The following TXN variants were observed in gnomAD, a reference collection of about 807,000 sequenced individuals.
TXN encodes the protein thioredoxin.
TXN carries 10 observed loss-of-function variants against 16.5 expected under a neutral mutation model. That is an observed-to-expected ratio of 0.61 (90% CI 0.37 to 1.03). TXN has a LOEUF of 1.03. TXN is among the 50% of genes least tolerant of loss of function. TXN has a pLI of 0.01. For synonymous variants in TXN, 35 were observed against 39.4 expected (o/e 0.89, Z 0.42); for missense variants, 71 against 122.5 (o/e 0.58, Z 1.98).
At chr9:110,252,807 G>A (rs2118579679) in intron 1 of TXN, among the ~76,000 whole-genome samples, 1 of 152,152 alleles carries the variant, frequency 6.6e-6, no homozygotes, top group South Asian at 2.1e-4. Flanking sequence ...ACCAGTCCCA[G>A]CTAATTTTTG....
intron 3 of TXN, among the ~76,000 whole-genome samples, chr9:110,248,828 A>G (rs1308175262): frequency 2.0e-5 from 3 of 152,138 alleles, no homozygotes; most frequent in African/African-American, 7.2e-5. Flanking sequence ...ATTGCTTTCA[A>G]ATAAAAATCA....
chr9:110,252,223 C>CAAAA (rs377246017), intron 1 of TXN, among the ~76,000 whole-genome samples: 3 of 58,374 alleles, frequency 5.1e-5, no homozygotes, highest in African/African-American at 9.2e-5. Flanking sequence ...GACTCTGTCG[C>CAAAA]AAAAAAAAAA....
At chr9:110,255,923 G>A (rs1837803504) in intron 1 of TXN, among the ~76,000 whole-genome samples, 2 of 152,202 alleles carry the variant, frequency 1.3e-5, no homozygotes, top group South Asian at 2.1e-4. Context: ...ACCGACCCGT[G>A]CCTTCTGCAA....
chr9:110,244,237 A>C lies in TXN; in HGVS notation c.256-18T>G. 6.5e-7 allele frequency: 1 copy of C among 1,537,272 alleles called. No individual in the cohort carries two copies. Among genetic ancestry groups the C allele is most frequent in the African/African-American group, 1.4e-5 (1 of 72,416 alleles). On this transcript the variant is annotated intron_variant, in intron 4 of 4. Coordinates refer to ENST00000374517, the MANE Select transcript of TXN (RefSeq NM_003329.4). ...TCACCCACCTGTTAAGAGAATATTG[A>C]ATTGACATTAGACGTAGCACTGTAG... is the stretch of plus-strand genomic sequence containing the variant.
At position 110,251,326 on chromosome 9, in the gene TXN, C is replaced by A. The variant is rs997392; in HGVS notation, c.129+32G>T. On this transcript the variant is annotated intron_variant, in intron 2 of 4. Transcript: ENST00000374517. ...GACCACCAACTCAAAAAACACAAAT[C>A]TCTTACAAAGCAGACATTGTTTAAT... is the stretch of plus-strand genomic sequence containing the variant. The A allele has an allele frequency of 2.6e-6, 4 of 1,513,702 alleles. No homozygotes were observed. In the East Asian group the frequency reaches 9.0e-5, roughly 34 times the overall value. The allele number at this position is 1,513,702 out of a possible 1,614,324, so 93.8% of individuals were successfully genotyped here.
Position 110,256,280 on chromosome 9 carries a change from T to A in TXN, c.24+132A>T. 1 of 1,031,060 alleles carries A rather than the reference T, an allele frequency of 9.7e-7. No individual in the cohort carries two copies. The highest frequency in any genetic ancestry group is 1.4e-6 in the Non-Finnish European group (1 of 695,106). 63.9% of individuals were successfully genotyped at this position (1,031,060 alleles called of 1,614,324 possible). A position where few individuals can be genotyped will look rare whatever the true frequency, so the allele number is the denominator to read the frequency against. ...GTCCCAGGCCGAGACGCCGCGTCCC[T>A]TTCCCCTGGCGATGCGGAGGGGCGG... is the stretch of plus-strand genomic sequence containing the variant. On this transcript the variant is annotated intron_variant, in intron 1 of 4. Transcript: ENST00000374517. The surrounding 1 kb of genome is among the most constrained non-coding windows in gnomAD (Gnocchi z 4.2).
Position 110,250,891 on chromosome 9 carries a change from A to T in TXN, c.130-12T>A, listed in dbSNP as rs753651052. ...TTTTCAGAGAGGGACTGGAAAATTT[A>T]AAATGAAAAATCCAAAAAGATTTAG... On this transcript the variant is annotated splice_polypyrimidine_tract_variant and intron_variant, in intron 2 of 4. Transcript: ENST00000374517. 8 of 1,603,468 alleles carry T rather than the reference A, an allele frequency of 5.0e-6. No homozygotes were observed. The highest frequency in any genetic ancestry group is 6.0e-6 in the Non-Finnish European group (7 of 1,174,580).
chr9:110,244,773 C>T lies in TXN; in HGVS notation c.255+5G>A, dbSNP rs375257255. 3.3e-5 allele frequency: 53 copies of T among 1,611,068 alleles called. No homozygotes were observed. Among genetic ancestry groups the T allele is most frequent in the African/African-American group, 1.7e-4 (13 of 74,948 alleles). Reference sequence around the variant, plus strand: ...GTTAGAGTTTTAAAGGTCAGATGTACGTACCTTTTGTCCCTTCTTAAAAAA... The same window carrying T: ...GTTAGAGTTTTAAAGGTCAGATGTATGTACCTTTTGTCCCTTCTTAAAAAA... On this transcript the variant is annotated splice_donor_5th_base_variant and intron_variant, in intron 4 of 4. Coordinates refer to ENST00000374517, the MANE Select transcript of TXN (RefSeq NM_003329.4).
In TXN at chr9:110,256,477, G is replaced by C. The variant is rs1321422347; in HGVS notation, c.-42C>G. ...TGACGAGCGGCTGTAAGGACCGATGGAAATGGATCCAAAGCACCAAACAGA... is the reference window on the plus strand; with the variant it reads ...TGACGAGCGGCTGTAAGGACCGATGCAAATGGATCCAAAGCACCAAACAGA... On this transcript the variant is annotated 5_prime_UTR_variant, in exon 1 of 5. Transcript: ENST00000374517. The surrounding 1 kb of genome is among the most constrained non-coding windows in gnomAD (Gnocchi z 4.2). 6.3e-7 allele frequency: 1 copy of C among 1,593,194 alleles called. No individual in the cohort carries two copies. The highest frequency in any genetic ancestry group is 8.6e-7 in the Non-Finnish European group (1 of 1,168,992).
rs199937630 is a variant in TXN at position 110,252,245 on chromosome 9, A to AAAAAAAAAAAAAG, written c.25-784_25-783insCTTTTTTTTTTTT. On this transcript the variant is annotated intron_variant, in intron 1 of 4. Transcript: ENST00000374517. ...TCGCAAAAAAAAAAAAAAAAAAAAA[A>AAAAAAAAAAAAAG]GCTATGACTTTTGATTAAACTCATT... Among the ~76,000 whole-genome samples, 394 of 136,118 alleles carry AAAAAAAAAAAAAG rather than the reference A, an allele frequency of 2.9e-3. 1 individual carries two copies. The highest frequency in any genetic ancestry group is 4.8e-3 in the East Asian group (20 of 4,128). The allele number at this position is 136,118 out of a possible 152,430, so 89.3% of individuals were successfully genotyped here. A position where few individuals can be genotyped will look rare whatever the true frequency, so the allele number is the denominator to read the frequency against.
At chr9:110,253,216 A>T (rs1034233219) in intron 1 of TXN, among the ~76,000 whole-genome samples, 1 of 152,128 alleles carries the variant, frequency 6.6e-6, no homozygotes, top group African/African-American at 2.4e-5. Context: ...ACTTCTCTAG[A>T]TTTCTAATTT....
rs547387406 is a variant in TXN, at chr9:110,251,398, G to A, written c.89C>T (p.Thr30Met). The A allele has an allele frequency of 6.9e-5, 111 of 1,611,912 alleles. No individual in the cohort carries two copies. The South Asian group carries it at 1.1e-3, about 15-fold the overall frequency. The stretch of plus-strand genomic sequence containing the variant: ...GATCATTTTGCAAGGCCCACACCAC[G>A]TGGCTGAGAAGTCAACTACTACAAG... ...DKLVVVDFSA[T>M]WCGPCKMIKP... Residue 30 changes from threonine to methionine, a missense_variant, in exon 2 of 5, where the codon ACG becomes ATG. Coordinates refer to ENST00000374517, the MANE Select transcript of TXN (RefSeq NM_003329.4).
chr9:110,245,721 G>A (rs1280720298), intron 3 of TXN, among the ~76,000 whole-genome samples: 11 of 135,306 alleles, frequency 8.1e-5, no homozygotes, highest in Non-Finnish European at 1.4e-4. Context: ...TCAAACTCAT[G>A]AGCTCAAGTG....
At chr9:110,250,948 T>G in intron 2 of TXN, 69 bp from the exon 3 acceptor site, 1 of 1,124,700 alleles carries the variant, frequency 8.9e-7, no homozygotes, top group South Asian at 1.4e-5. Flanking sequence ...ATACCCAAGC[T>G]TCTTAAATGG....
chr9:110,244,922 C>A, intron 3 of TXN, 79 bp from the exon 4 acceptor site: 1 of 1,207,316 alleles, frequency 8.3e-7, no homozygotes, highest in Non-Finnish European at 1.2e-6. Context: ...AATCCAAAAC[C>A]AGAAACTTTT....
rs1170640168 is a variant in TXN, at chr9:110,245,618, CTATATATATATATATA to C, written c.190-791_190-776del. Among the ~76,000 whole-genome samples the C allele has an allele frequency of 1.6e-4, 5 of 30,890 alleles. 1 individual carries two copies. The highest frequency in any genetic ancestry group is 2.8e-4 in the African/African-American group (2 of 7,262). The allele number at this position is 30,890 out of a possible 152,430, so 20.3% of individuals were successfully genotyped here. On this transcript the variant is annotated intron_variant, in intron 3 of 4. Coordinates refer to ENST00000374517, the MANE Select transcript of TXN (RefSeq NM_003329.4). Reference sequence around the variant, plus strand: ...GTATATATATACACACACACACACACTATATATATATATATATATATATATATATATATATATTTTT... The same window carrying C: ...GTATATATATACACACACACACACACTATATATATATATATATATATTTTT...
At position 110,244,134 on chromosome 9, in the gene TXN, G is replaced by A. The variant is rs1281000916; in HGVS notation, c.*23C>T. The A allele has an allele frequency of 2.7e-6, 4 of 1,474,754 alleles. No homozygotes were observed. Among genetic ancestry groups the A allele is most frequent in the East Asian group, 4.9e-5 (2 of 41,216 alleles). The allele number at this position is 1,474,754 out of a possible 1,614,324, so 91.4% of individuals were successfully genotyped here. A position where few individuals can be genotyped will look rare whatever the true frequency, so the allele number is the denominator to read the frequency against. ...TACAAGTTTTAAATAGCCAATGGCT[G>A]GTTATATTTTCAGAAAACATGATTA... On this transcript the variant is annotated 3_prime_UTR_variant, in exon 5 of 5. Coordinates refer to ENST00000374517, the MANE Select transcript of TXN (RefSeq NM_003329.4).
Position 110,251,320 on chromosome 9 carries a change from A to C in TXN, c.129+38T>G, listed in dbSNP as rs781227350. On this transcript the variant is annotated intron_variant, in intron 2 of 4. Transcript: ENST00000374517. ...CACTGTGACCACCAACTCAAAAAAC[A>C]CAAATCTCTTACAAAGCAGACATTG... The C allele has an allele frequency of 2.0e-6, 3 of 1,507,470 alleles. No homozygotes were observed. The South Asian group carries it at 3.4e-5, about 17-fold the overall frequency. The allele number at this position is 1,507,470 out of a possible 1,614,324, so 93.4% of individuals were successfully genotyped here. A position where few individuals can be genotyped will look rare whatever the true frequency, so the allele number is the denominator to read the frequency against.
chr9:110,247,322 CA>C (rs5899888), intron 3 of TXN, among the ~76,000 whole-genome samples: 1,468 of 82,688 alleles, frequency 0.018, 14 homozygotes, highest in African/African-American at 0.054. Context: ...GACTCTGTCT[CA>C]AAAAAAAAAA....
Sources: allele counts gnomAD v4.1 joint callset (sites outside exome capture counted in the v4.1 genomes callset), GRCh38; gene constraint gnomAD v4.1.1; non-coding constraint Gnocchi (gnomAD v3.1); transcripts MANE v1.5; gene names NCBI Gene and HGNC (gene_info 2026-07-23, HGNC 2026-07-21).